Variants in KIAA0825 observed in about 807,000 individuals in gnomAD.
The protein encoded by KIAA0825 is uncharacterized protein KIAA0825.
Under a neutral mutation model 147.6 loss-of-function variants are expected in KIAA0825, and 119 were observed. That is an observed-to-expected ratio of 0.81 (90% CI 0.69 to 0.94). KIAA0825 has a LOEUF of 0.94. Among genes scored for constraint, KIAA0825 ranks in the 40% least tolerant of loss-of-function variants. The pLI is 0.00. For missense variants in KIAA0825, 1,381 were observed against 1,472.7 expected, an observed-to-expected ratio of 0.94 and a Z score of 1.02; for synonymous variants, 470 against 518.1, an observed-to-expected ratio of 0.91 and a Z score of 1.26.
At chr5:94,251,512 T>C (rs908991286) in intron 20 of KIAA0825, among the ~76,000 whole-genome samples, 17 of 152,046 alleles carry the variant, frequency 1.1e-4, no homozygotes, top group Admixed American at 6.6e-4. Context: ...CTCTAGACTT[T>C]TACATTGCTT....
At chr5:94,612,631 C>T (rs1789188952) in intron 1 of KIAA0825, among the ~76,000 whole-genome samples, 1 of 152,130 alleles carries the variant, frequency 6.6e-6, no homozygotes, top group Admixed American at 6.6e-5. Context: ...CTTACTACAC[C>T]AGGCACCATA....
chr5:94,470,881 G>T (rs564157086), intron 9 of KIAA0825, among the ~76,000 whole-genome samples: 1 of 152,126 alleles, frequency 6.6e-6, no homozygotes, highest in South Asian at 2.1e-4. Context: ...CAGTGTAAGG[G>T]CAACAAGAAA....
At chr5:94,594,856 C>A in intron 1 of KIAA0825, 2 of 314,814 alleles carry the variant, frequency 6.4e-6, no homozygotes, top group Non-Finnish European at 6.3e-6. Flanking sequence ...AATTAAGTGG[C>A]CTGACTCAAA....
chr5:94,251,336 A>G (rs1175188007), intron 20 of KIAA0825, among the ~76,000 whole-genome samples: 1 of 152,118 alleles, frequency 6.6e-6, no homozygotes, highest in Non-Finnish European at 1.5e-5. Flanking sequence ...CACACAAAGC[A>G]AATACTATTC....
At chr5:94,508,480 T>C (rs984054349) in intron 5 of KIAA0825, among the ~76,000 whole-genome samples, 5 of 152,146 alleles carry the variant, frequency 3.3e-5, no homozygotes, top group African/African-American at 1.2e-4. Context: ...GTCTATTCCT[T>C]GTTAATCTAA....
Position 94,216,770 on chromosome 5 carries a change from C to A in KIAA0825, c.3711-62646G>T, listed in dbSNP as rs1562317734. Among the ~76,000 whole-genome samples the A allele has an allele frequency of 2.6e-5, 4 of 152,262 alleles. No individual in the cohort carries two copies. The East Asian group carries it at 7.7e-4, about 29-fold the overall frequency. ...GCCACAAAGGAACAGGAAATAGCTT[C>A]CTAATTTTTTTTCACATTTCTGATT... On this transcript the variant is annotated intron_variant, in intron 20 of 20. Coordinates refer to ENST00000682413, the MANE Select transcript of KIAA0825 (RefSeq NM_001145678.3).
At position 94,272,106 on chromosome 5, in the gene KIAA0825, C is replaced by CA. The variant is rs70975898; in HGVS notation, c.3710+112261dup. Among the ~76,000 whole-genome samples the CA allele has an allele frequency of 7.7e-4, 51 of 66,636 alleles. 1 individual carries two copies. The highest frequency in any genetic ancestry group is 1.2e-3 in the African/African-American group (21 of 16,942). The allele number at this position is 66,636 out of a possible 152,430, so 43.7% of individuals were successfully genotyped here. Reference sequence around the variant, plus strand: ...GCATCTTCTCACTTATTTGTAGGAGCAAAAAAAAAAAAAAAAAAAAAAAAA... The same window carrying CA: ...GCATCTTCTCACTTATTTGTAGGAGCAAAAAAAAAAAAAAAAAAAAAAAAAA... On this transcript the variant is annotated intron_variant, in intron 20 of 20. Coordinates refer to ENST00000682413, the MANE Select transcript of KIAA0825 (RefSeq NM_001145678.3).
intron 1 of KIAA0825, among the ~76,000 whole-genome samples, chr5:94,596,089 A>C (rs1463582968): frequency 6.6e-6 from 1 of 152,142 alleles, no homozygotes; most frequent in Admixed American, 6.6e-5. Context: ...GAAGCTCTTA[A>C]GTTTAATTAG....
At chr5:94,565,688 A>C (rs1778585978) in intron 2 of KIAA0825, among the ~76,000 whole-genome samples, 1 of 152,196 alleles carries the variant, frequency 6.6e-6, no homozygotes, top group African/African-American at 2.4e-5. Context: ...TCTTAAGAGA[A>C]AATCAGAAGA....
intron 20 of KIAA0825, among the ~76,000 whole-genome samples, chr5:94,334,336 T>C (rs896358766): frequency 6.6e-6 from 1 of 152,274 alleles, no homozygotes; most frequent in Non-Finnish European, 1.5e-5. Flanking sequence ...ATGATATGAT[T>C]GCCTATGCAA....
intron 3 of KIAA0825, among the ~76,000 whole-genome samples, chr5:94,528,028 G>A (rs1342285781): frequency 6.6e-6 from 1 of 151,960 alleles, no homozygotes; most frequent in Non-Finnish European, 1.5e-5. Context: ...AAGTTAAAAA[G>A]AATACTCCTA....
chr5:94,152,440 G>T lies in KIAA0825; in HGVS notation c.*1567C>A, dbSNP rs1490660903. Among the ~76,000 whole-genome samples, 1 of 151,904 alleles carries T rather than the reference G, an allele frequency of 6.6e-6. No individual in the cohort carries two copies. The highest frequency in any genetic ancestry group is 1.5e-5 in the Non-Finnish European group (1 of 67,994). ...TGGTGGCTTATGCCTATAGTTCCAG[G>T]GCTTTGAGAGACAGAGAGGGGAAGA... On this transcript the variant is annotated 3_prime_UTR_variant, in exon 21 of 21. Transcript: ENST00000682413.
At chr5:94,266,384 T>C (rs1776738001) in intron 20 of KIAA0825, among the ~76,000 whole-genome samples, 1 of 147,964 alleles carries the variant, frequency 6.8e-6, no homozygotes, top group Non-Finnish European at 1.5e-5. Context: ...CAACTCATGA[T>C]GTCATAAATC....
chr5:94,213,002 T>A (rs1288568335), intron 20 of KIAA0825, among the ~76,000 whole-genome samples: 2 of 152,180 alleles, frequency 1.3e-5, no homozygotes, highest in African/African-American at 4.8e-5. Context: ...ATTATGTACA[T>A]TATCTCATTT....
chr5:94,406,836 A>T (rs560264200), intron 15 of KIAA0825, among the ~76,000 whole-genome samples: 1 of 152,234 alleles, frequency 6.6e-6, no homozygotes, highest in South Asian at 2.1e-4. Context: ...ATGTCTTTTG[A>T]CCTATACACA....
intron 2 of KIAA0825, among the ~76,000 whole-genome samples, chr5:94,563,909 CTCCTG>C (rs1778063756): frequency 6.6e-6 from 1 of 152,162 alleles, no homozygotes; most frequent in South Asian, 2.1e-4. Context: ...TGATCTCGAA[CTCCTG>C]ACCTCAAGTG....
intron 2 of KIAA0825, among the ~76,000 whole-genome samples, chr5:94,563,667 G>A (rs1381133501): frequency 6.6e-6 from 1 of 151,982 alleles, no homozygotes; most frequent in Non-Finnish European, 1.5e-5. Flanking sequence ...ACATTTCTGT[G>A]AGCATTGCCT....
chr5:94,287,795 T>G (rs1777722570), intron 20 of KIAA0825, among the ~76,000 whole-genome samples: 1 of 152,182 alleles, frequency 6.6e-6, no homozygotes, highest in African/African-American at 2.4e-5. Context: ...AATGATGAAT[T>G]TTTAAGTGAT....
intron 20 of KIAA0825, among the ~76,000 whole-genome samples, chr5:94,196,214 G>C (rs1771113748): frequency 6.6e-6 from 1 of 152,092 alleles, no homozygotes; most frequent in Non-Finnish European, 1.5e-5. Flanking sequence ...GCTTAATTTT[G>C]CACACTACTG....
Sources: allele counts gnomAD v4.1 joint callset (sites outside exome capture counted in the v4.1 genomes callset), GRCh38; gene constraint gnomAD v4.1.1; transcripts MANE v1.5; gene names NCBI Gene and HGNC (gene_info 2026-07-23, HGNC 2026-07-21).